Variants in DCHS2 observed in about 807,000 individuals in gnomAD.
DCHS2 encodes the protein protocadherin-23.
DCHS2 carries 142 observed loss-of-function variants against 182.4 expected under a neutral mutation model. The observed-to-expected ratio is 0.78, with a 90% confidence interval of 0.68 to 0.89. DCHS2 has a LOEUF of 0.89. Among genes scored for constraint, DCHS2 ranks in the 40% least tolerant of loss-of-function variants. The pLI is 0.00. For missense variants in DCHS2, 4,319 were observed against 4,198.6 expected (o/e 1.03, Z -0.79); for synonymous variants, 1,740 against 1,663.3 (o/e 1.05, Z -1.12).
chr4:154,461,348 T>C (rs1002348469), intron 1 of DCHS2, among the ~76,000 whole-genome samples: 2 of 152,236 alleles, frequency 1.3e-5, no homozygotes, highest in African/African-American at 2.4e-5. Context: ...CTGATGGATA[T>C]AGCTTTTTAA....
At chr4:154,255,810 G>A in intron 15 of DCHS2, 140 bp from the exon 16 acceptor site, 1 of 1,311,508 alleles carries the variant, frequency 7.6e-7, no homozygotes, top group Non-Finnish European at 9.9e-7. Context: ...AATACCAACA[G>A]ACAACTGAAG....
intron 9 of DCHS2, among the ~76,000 whole-genome samples, chr4:154,320,120 G>A (rs898991375): frequency 6.6e-6 from 1 of 152,162 alleles, no homozygotes; most frequent in African/African-American, 2.4e-5. Flanking sequence ...CCATTTACAT[G>A]AAGTATCTAA....
intron 17 of DCHS2, among the ~76,000 whole-genome samples, chr4:154,241,809 C>G (rs1731839604): frequency 6.6e-6 from 1 of 151,972 alleles, no homozygotes; most frequent in African/African-American, 2.4e-5. Context: ...AAAGGCAAAA[C>G]TGGAGAATTT....
At chr4:154,349,104 A>G (rs1238878661) in intron 3 of DCHS2, among the ~76,000 whole-genome samples, 1 of 152,058 alleles carries the variant, frequency 6.6e-6, no homozygotes, top group East Asian at 1.9e-4. Flanking sequence ...AATTTAGTTT[A>G]AAGATCTTAA....
intron 13 of DCHS2, among the ~76,000 whole-genome samples, chr4:154,273,477 A>C (rs4575978): frequency 1.1e-4 from 16 of 151,848 alleles, no homozygotes; most frequent in African/African-American, 3.6e-4. Context: ...GAAGTGAAGG[A>C]TAAAAGACTA....
At chr4:154,405,469 TA>T (rs1374573888) in intron 1 of DCHS2, among the ~76,000 whole-genome samples, 4 of 151,218 alleles carry the variant, frequency 2.6e-5, no homozygotes, top group African/African-American at 7.3e-5. Context: ...TATATATATA[TA>T]TTTTCATTGC....
intron 1 of DCHS2, among the ~76,000 whole-genome samples, chr4:154,459,241 GA>G (rs1438066685): frequency 2.6e-5 from 4 of 152,082 alleles, no homozygotes; most frequent in African/African-American, 9.7e-5. Flanking sequence ...GAATAGCCCT[GA>G]AGGTAGAGTG....
At chr4:154,471,677 C>A (rs970177403) in intron 1 of DCHS2, among the ~76,000 whole-genome samples, 1 of 152,032 alleles carries the variant, frequency 6.6e-6, no homozygotes, top group Non-Finnish European at 1.5e-5. Context: ...AAACTAAAGT[C>A]GCATTATGGT....
At chr4:154,373,406 T>A (rs990542175) in intron 2 of DCHS2, among the ~76,000 whole-genome samples, 4 of 152,198 alleles carry the variant, frequency 2.6e-5, no homozygotes, top group African/African-American at 9.6e-5. Context: ...GCACACTGGA[T>A]AACCTTGTAT....
In DCHS2 at chr4:154,332,642, G is replaced by A. The variant is rs1397547546; in HGVS notation, c.3566C>T (p.Pro1189Leu). Residue 1189 changes from proline (P) to leucine (L), a missense_variant, in exon 5 of 20, where the codon CCC becomes CTC. Coordinates refer to ENST00000357232, the MANE Select transcript of DCHS2 (RefSeq NM_001358235.2). ...AAACAACACATCATGCAAGAAGGTGGGGGAATTGTCATTCTCATCCCAGAC... is the reference window on the plus strand; with the variant it reads ...AAACAACACATCATGCAAGAAGGTGAGGGAATTGTCATTCTCATCCCAGAC... Reference protein sequence around the residue: ...VRVWDENDNSPTFLHDVLFLK... With the variant: ...VRVWDENDNSLTFLHDVLFLK... 6.2e-7 allele frequency: 1 copy of A among 1,614,102 alleles called. No homozygotes were observed. The highest frequency in any genetic ancestry group is 1.3e-5 in the African/African-American group (1 of 74,934).
intron 3 of DCHS2, among the ~76,000 whole-genome samples, chr4:154,348,459 A>G (rs1024894414): frequency 6.6e-6 from 1 of 151,926 alleles, no homozygotes; most frequent in Non-Finnish European, 1.5e-5. Flanking sequence ...AGTAAGTTGG[A>G]TCATGTCTCA....
chr4:154,307,737 A>C (rs1026503032), intron 10 of DCHS2, among the ~76,000 whole-genome samples: 2 of 152,158 alleles, frequency 1.3e-5, no homozygotes, highest in African/African-American at 4.8e-5. Flanking sequence ...AACAGCATGG[A>C]TTGAGACAAC....
At chr4:154,341,263 G>A (rs1323318432) in intron 3 of DCHS2, among the ~76,000 whole-genome samples, 8 of 151,676 alleles carry the variant, frequency 5.3e-5, no homozygotes, top group African/African-American at 1.9e-4. Flanking sequence ...CAGCTATTTG[G>A]GAGGCTGAGG....
chr4:154,420,164 G>A (rs79295252), intron 1 of DCHS2, among the ~76,000 whole-genome samples: 1 of 152,062 alleles, frequency 6.6e-6, no homozygotes, highest in East Asian at 1.9e-4. Context: ...GATGGGCTGG[G>A]GAGACCAGAT....
chr4:154,417,200 TGTGTGAGAGAGAGAGAGAGAGA>T (rs1233922617), intron 1 of DCHS2, among the ~76,000 whole-genome samples: 9 of 47,960 alleles, frequency 1.9e-4, no homozygotes, highest in African/African-American at 6.0e-4. Flanking sequence ...TGTGTGTGTG[TGTGTGAGAGAGAGAGAGAGAGA>T]GAGAGAGAGA....
chr4:154,412,393 C>A (rs918084077), intron 1 of DCHS2, among the ~76,000 whole-genome samples: 1 of 152,084 alleles, frequency 6.6e-6, no homozygotes, highest in Non-Finnish European at 1.5e-5. Context: ...AGTCTAGCTG[C>A]CTTTCTCATC....
At chr4:154,319,285 T>C (rs1735966170) in intron 9 of DCHS2, among the ~76,000 whole-genome samples, 1 of 152,068 alleles carries the variant, frequency 6.6e-6, no homozygotes, top group African/African-American at 2.4e-5. Context: ...AAGTGGGTCT[T>C]GGCAATTATT....
chr4:154,485,103 C>CT (rs201276679), intron 1 of DCHS2, among the ~76,000 whole-genome samples: 9,926 of 73,878 alleles, frequency 0.13, 421 homozygotes, highest in Middle Eastern at 0.22. Context: ...GTGTTATGAG[C>CT]TTTTTTTTTT....
chr4:154,395,653 T>C (rs1731899371), intron 1 of DCHS2, among the ~76,000 whole-genome samples: 1 of 152,222 alleles, frequency 6.6e-6, no homozygotes, highest in Non-Finnish European at 1.5e-5. Flanking sequence ...TTATCAACTT[T>C]AAATAATGAG....
Sources: gnomAD v4.1 joint callset for allele counts (sites outside exome capture counted in the v4.1 genomes callset) on GRCh38, gnomAD v4.1.1 for gene constraint, MANE v1.5 for transcripts, NCBI Gene and HGNC (gene_info 2026-07-23, HGNC 2026-07-21) for gene names.